The following MYOF variants were observed in gnomAD, a reference collection of about 807,000 sequenced individuals.
The protein encoded by MYOF is fer-1-like 3, myoferlin.
In MYOF, 244 loss-of-function variants were observed where a neutral mutation model predicts 284.2. That is an observed-to-expected ratio of 0.86 (90% CI 0.77 to 0.95). MYOF has a LOEUF of 0.95. Among genes scored for constraint, MYOF ranks in the 40% least tolerant of loss-of-function variants. The pLI, the probability that MYOF is intolerant of heterozygous loss-of-function variation, is 0.00. For synonymous variants in MYOF, 904 were observed against 919.7 expected (o/e 0.98, Z 0.31); for missense variants, 2,496 against 2,560.6 (o/e 0.97, Z 0.54).
chr10:93,411,908 C>T (rs1847915897), intron 5 of MYOF, among the ~76,000 whole-genome samples: 2 of 152,178 alleles, frequency 1.3e-5, no homozygotes, highest in South Asian at 4.1e-4. Flanking sequence ...CCCCGATCTG[C>T]TTTTTCAGGT....
intron 1 of MYOF, among the ~76,000 whole-genome samples, chr10:93,463,126 A>G (rs914998053): frequency 2.6e-5 from 4 of 152,188 alleles, no homozygotes; most frequent in Non-Finnish European, 4.4e-5. Context: ...TCACCACTGC[A>G]GTAATTAACC....
chr10:93,325,746 T>C (rs1589389389), intron 46 of MYOF, 80 bp downstream of exon 46: 3 of 1,476,352 alleles, frequency 2.0e-6, no homozygotes, highest in African/African-American at 1.4e-5. Flanking sequence ...TCAAAGAAGA[T>C]AAAAGGCGCA....
intron 44 of MYOF, 146 bp downstream of exon 44, chr10:93,329,518 T>C: frequency 1.2e-6 from 1 of 838,004 alleles, no homozygotes; most frequent in Non-Finnish European, 1.8e-6. Flanking sequence ...GGAGATTCCC[T>C]AGAATAATCC....
At chr10:93,356,181 T>C (rs1413665474) in intron 30 of MYOF, among the ~76,000 whole-genome samples, 6 of 152,180 alleles carry the variant, frequency 3.9e-5, no homozygotes, top group Non-Finnish European at 7.3e-5. Context: ...CATTCTCCTA[T>C]TCCTTCCTTC....
chr10:93,360,211 T>G (rs1845002822), intron 28 of MYOF, among the ~76,000 whole-genome samples: 1 of 152,228 alleles, frequency 6.6e-6, no homozygotes, highest in East Asian at 1.9e-4. Flanking sequence ...CCTACTTTTA[T>G]GCTTCCAGTC....
intron 2 of MYOF, 136 bp downstream of exon 2, chr10:93,456,746 C>T: frequency 1.5e-6 from 1 of 658,084 alleles, no homozygotes; most frequent in Non-Finnish European, 2.6e-6. Context: ...TTGGTGAACA[C>T]AAAGGGAAAC....
At chr10:93,428,560 C>T (rs1848697763) in intron 4 of MYOF, among the ~76,000 whole-genome samples, 2 of 116,682 alleles carry the variant, frequency 1.7e-5, no homozygotes. Flanking sequence ...TTTCCTACAT[C>T]TGGTAAACAC....
chr10:93,401,297 G>C (rs1004388681), intron 12 of MYOF, 121 bp downstream of exon 12: 3 of 1,379,828 alleles, frequency 2.2e-6, no homozygotes, highest in East Asian at 2.4e-5. Flanking sequence ...ATAAGCCCAT[G>C]AAGCCCTTTC....
intron 11 of MYOF, 91 bp from the exon 12 acceptor site, chr10:93,401,635 A>G (rs1310582871): frequency 1.1e-5 from 17 of 1,500,896 alleles, no homozygotes; most frequent in Admixed American, 3.8e-5. Context: ...ACCATTCAGA[A>G]TCGTTTCCAT....
chr10:93,439,898 T>C (rs188774055), intron 3 of MYOF, among the ~76,000 whole-genome samples: 2 of 152,286 alleles, frequency 1.3e-5, no homozygotes. Flanking sequence ...CACATCCATT[T>C]CTATGTAATC....
intron 36 of MYOF, among the ~76,000 whole-genome samples, chr10:93,348,470 T>G (rs956869897): frequency 9.9e-5 from 15 of 152,214 alleles, no homozygotes; most frequent in Non-Finnish European, 2.1e-4. Flanking sequence ...GGTGAATTTC[T>G]ATCTCTGGCT....
At chr10:93,455,406 A>G (rs1360857638) in intron 2 of MYOF, among the ~76,000 whole-genome samples, 1 of 152,114 alleles carries the variant, frequency 6.6e-6, no homozygotes, top group African/African-American at 2.4e-5. Flanking sequence ...AATGGCTCAC[A>G]CCTGTAATCC....
rs989035315 is a variant in MYOF, at chr10:93,338,377, C to G, written c.4339-464G>C. The G allele has an allele frequency of 2.0e-5, 9 of 456,708 alleles. No homozygotes were observed. The East Asian group carries it at 2.1e-4, about 11-fold the overall frequency. The allele number at this position is 456,708 out of a possible 1,614,324, so 28.3% of individuals were successfully genotyped here. A position where few individuals can be genotyped will look rare whatever the true frequency, so the allele number is the denominator to read the frequency against. Reference sequence around the variant, plus strand: ...GGAAAAACTGGTTTTAATTCAAGTTCCTTCCTTTATGTTATAAGCCATACC... The same window carrying G: ...GGAAAAACTGGTTTTAATTCAAGTTGCTTCCTTTATGTTATAAGCCATACC... On this transcript the variant is annotated intron_variant, in intron 39 of 53. Transcript: ENST00000359263.
chr10:93,345,029 C>T (rs975277552), intron 37 of MYOF, among the ~76,000 whole-genome samples: 1 of 152,112 alleles, frequency 6.6e-6, no homozygotes, highest in Non-Finnish European at 1.5e-5. Flanking sequence ...ATGAGAGGTA[C>T]ATCTCCCATT....
intron 24 of MYOF, among the ~76,000 whole-genome samples, chr10:93,372,326 G>A (rs934599810): frequency 6.6e-6 from 1 of 152,178 alleles, no homozygotes; most frequent in Non-Finnish European, 1.5e-5. Context: ...CCCTGGAACA[G>A]GCTTATGGGT....
intron 1 of MYOF, among the ~76,000 whole-genome samples, chr10:93,470,319 G>A (rs929144405): frequency 6.6e-6 from 1 of 151,946 alleles, no homozygotes; most frequent in African/African-American, 2.4e-5. Context: ...GAAGCATGTA[G>A]CACAGTGCTT....
chr10:93,417,112 G>A (rs941492620), intron 5 of MYOF, among the ~76,000 whole-genome samples: 36 of 152,064 alleles, frequency 2.4e-4, no homozygotes, highest in East Asian at 1.9e-4. Context: ...GTCCATCTCC[G>A]GCTATGACAA....
At chr10:93,468,799 T>C (rs1445167527) in intron 1 of MYOF, among the ~76,000 whole-genome samples, 1 of 152,166 alleles carries the variant, frequency 6.6e-6, no homozygotes, top group African/African-American at 2.4e-5. Flanking sequence ...TTGCTGCAGA[T>C]CAGAGGGAGA....
intron 3 of MYOF, among the ~76,000 whole-genome samples, chr10:93,439,841 T>C (rs2056189238): frequency 6.6e-6 from 1 of 152,234 alleles, no homozygotes; most frequent in African/African-American, 2.4e-5. Flanking sequence ...AGCAGGGGGC[T>C]GGGCAGGTGG....
Sources: allele counts gnomAD v4.1 joint callset (sites outside exome capture counted in the v4.1 genomes callset), GRCh38; gene constraint gnomAD v4.1.1; transcripts MANE v1.5; gene names NCBI Gene and HGNC (gene_info 2026-07-23, HGNC 2026-07-21).